TMEM267: variants seen among roughly 807,000 people sequenced by gnomAD.
TMEM267 encodes the protein transmembrane protein C5orf28.
Under a neutral mutation model 19.3 loss-of-function variants are expected in TMEM267, and 20 were observed. The observed-to-expected ratio is 1.04, with a 90% CI of 0.73 to 1.51. The LOEUF (loss-of-function observed/expected upper bound fraction) is 1.51, where lower values mean the gene tolerates loss of function less well. Among genes scored for constraint, TMEM267 ranks in the 40% most tolerant of loss-of-function variants. TMEM267 has a pLI of 0.00. For synonymous variants in TMEM267, 88 were observed against 90.3 expected (o/e 0.97, Z 0.15); for missense variants, 242 against 261.9 (o/e 0.92, Z 0.52).
chr5:43,477,436 A>T (rs537249854), intron 1 of TMEM267, among the ~76,000 whole-genome samples: 1 of 152,242 alleles, frequency 6.6e-6, no homozygotes, highest in Non-Finnish European at 1.5e-5. Flanking sequence ...AAAACAAAAT[A>T]CAAAAAATTT....
chr5:43,463,123 CA>C (rs1743380657), intron 1 of TMEM267, among the ~76,000 whole-genome samples: 1 of 152,170 alleles, frequency 6.6e-6, no homozygotes, highest in African/African-American at 2.4e-5. Context: ...ACTGATTCCA[CA>C]GAAATACAAA....
intron 1 of TMEM267, among the ~76,000 whole-genome samples, chr5:43,472,918 T>C (rs1744172317): frequency 6.6e-6 from 1 of 151,778 alleles, no homozygotes; most frequent in Non-Finnish European, 1.5e-5. Context: ...AGTGGGCGGA[T>C]CACAAGGTCA....
chr5:43,463,453 T>A (rs1743405806), intron 1 of TMEM267, among the ~76,000 whole-genome samples: 1 of 152,152 alleles, frequency 6.6e-6, no homozygotes. Context: ...GCCAGCATCA[T>A]CCTGATACCA....
intron 1 of TMEM267, among the ~76,000 whole-genome samples, 164 bp from the exon 2 acceptor site, chr5:43,454,207 G>C (rs1428072563): frequency 1.7e-5 from 2 of 118,060 alleles, no homozygotes; most frequent in Non-Finnish European, 3.4e-5. Context: ...AAGGAGAATA[G>C]ATTTTTTTTT....
chr5:43,446,297 G>A lies in TMEM267; in HGVS notation c.573C>T (p.Ile191=), dbSNP rs555109567. 1.2e-6 allele frequency: 2 copies of A among 1,613,780 alleles called. No homozygotes were observed. Among genetic ancestry groups the A allele is most frequent in the South Asian group, 2.2e-5 (2 of 91,074 alleles). Residue 191 remains isoleucine, a synonymous_variant, in exon 3 of 3, where the codon ATC becomes ATT. Coordinates refer to ENST00000397080, the MANE Select transcript of TMEM267 (RefSeq NM_022483.5). ...YVIITSSLPH[I]CSFVMYLTGT... ...CTGTTAAATACATAACGAATGAACA[G>A]ATGTGAGGTAAAGATGATGTGATTA...
intron 1 of TMEM267, among the ~76,000 whole-genome samples, chr5:43,475,660 A>G (rs1744371868): frequency 6.6e-6 from 1 of 152,192 alleles, no homozygotes; most frequent in African/African-American, 2.4e-5. Context: ...AGGAAAAGAT[A>G]ATTACATTAG....
chr5:43,451,074 C>T (rs1395612796), intron 2 of TMEM267, among the ~76,000 whole-genome samples: 1 of 151,972 alleles, frequency 6.6e-6, no homozygotes, highest in Non-Finnish European at 1.5e-5. Context: ...TTTGATCTCA[C>T]CTCAGCCTCC....
At chr5:43,461,558 TG>T (rs1170988781) in intron 1 of TMEM267, among the ~76,000 whole-genome samples, 2 of 152,138 alleles carry the variant, frequency 1.3e-5, no homozygotes, top group Non-Finnish European at 2.9e-5. Flanking sequence ...AGGAGCCCAC[TG>T]CCCTAAAGGG....
chr5:43,482,164 C>T (rs921263808), intron 1 of TMEM267, among the ~76,000 whole-genome samples: 1 of 152,114 alleles, frequency 6.6e-6, no homozygotes, highest in South Asian at 2.1e-4. Flanking sequence ...CTGTTTTAAG[C>T]CTCTAAGTTT....
At chr5:43,461,109 G>A (rs534542550) in intron 1 of TMEM267, among the ~76,000 whole-genome samples, 1 of 152,250 alleles carries the variant, frequency 6.6e-6, no homozygotes, top group African/African-American at 2.4e-5. Context: ...AGCAAGACAG[G>A]ACACTGGTCA....
At position 43,453,877 on chromosome 5, in the gene TMEM267, G is replaced by A. The variant is rs753352277; in HGVS notation, c.93C>T (p.Leu31=). The A allele has an allele frequency of 2.4e-5, 38 of 1,613,874 alleles. No individual in the cohort carries two copies. Among genetic ancestry groups the A allele is most frequent in the Admixed American group, 3.3e-5 (2 of 59,938 alleles). The change falls in exon 2 of 3, where the codon CTC becomes CTT. Residue 31 remains leucine (L), a synonymous_variant. Transcript: ENST00000397080. The stretch of plus-strand genomic sequence containing the variant: ...AAAACTGAAGAAGTCTGTCAGCTAC[G>A]AGGCAAAATGCCCCCAGACCAAGGC... ...ISSLGLGAFC[L]VADRLLQFST... is the part of the protein sequence containing the mutation.
At chr5:43,473,442 A>G (rs1335559921) in intron 1 of TMEM267, among the ~76,000 whole-genome samples, 1 of 152,166 alleles carries the variant, frequency 6.6e-6, no homozygotes, top group Admixed American at 6.5e-5. Context: ...AAAAATCACA[A>G]GCATTCCTAT....
intron 1 of TMEM267, among the ~76,000 whole-genome samples, chr5:43,474,542 C>CTGA (rs1744291898): frequency 6.6e-6 from 1 of 152,112 alleles, no homozygotes; most frequent in African/African-American, 2.4e-5. Context: ...GGTGGATCAC[C>CTGA]TGAGGTCGGG....
At chr5:43,460,858 CCT>C (rs1743216325) in intron 1 of TMEM267, among the ~76,000 whole-genome samples, 1 of 152,324 alleles carries the variant, frequency 6.6e-6, no homozygotes, top group East Asian at 1.9e-4. Flanking sequence ...GCTACAGTGC[CCT>C]CTGTCTCCAG....
At chr5:43,447,094 T>C (rs1742287431) in intron 2 of TMEM267, among the ~76,000 whole-genome samples, 1 of 151,664 alleles carries the variant, frequency 6.6e-6, no homozygotes, top group South Asian at 2.1e-4. Context: ...CTTCAGTAAA[T>C]TTCTTTTTTT....
intron 1 of TMEM267, among the ~76,000 whole-genome samples, chr5:43,463,209 G>A (rs931193184): frequency 3.9e-5 from 6 of 152,106 alleles, no homozygotes; most frequent in Admixed American, 1.3e-4. Flanking sequence ...TAAATTCCTC[G>A]ACACATACAC....
chr5:43,477,962 T>C lies in TMEM267; in HGVS notation c.-75+5860A>G, dbSNP rs186480310. Among the ~76,000 whole-genome samples the C allele has an allele frequency of 5.9e-5, 9 of 152,346 alleles. 1 individual carries two copies. In the South Asian group the frequency reaches 1.7e-3, roughly 28 times the overall value. On this transcript the variant is annotated intron_variant, in intron 1 of 2. Transcript: ENST00000397080. ...TCTACAGTGGGTTTGTGGGCGTTAA[T>C]GTATTTTCAACTTATGTAATTTTTG...
intron 1 of TMEM267, among the ~76,000 whole-genome samples, chr5:43,474,838 C>T (rs74920439): frequency 1.5e-4 from 23 of 151,656 alleles, no homozygotes; most frequent in African/African-American, 2.4e-4. Context: ...CCACATCTCA[C>T]GCCAGTTAGA....
rs536346639 is a variant in TMEM267 at position 43,452,027 on chromosome 5, G to A, written c.312+1631C>T. ...CAAGAGGTTGATGCTGCAGTGAGCC[G>A]TGATCACACCACTGCACTCCAGCCT... is the stretch of plus-strand genomic sequence containing the variant. On this transcript the variant is annotated intron_variant, in intron 2 of 2. Transcript: ENST00000397080. Among the ~76,000 whole-genome samples, 14 of 141,678 alleles carry A rather than the reference G, an allele frequency of 9.9e-5. No homozygotes were observed. The South Asian group carries it at 2.0e-3, about 20-fold the overall frequency. 92.9% of individuals were successfully genotyped at this position (141,678 alleles called of 152,430 possible).
Sources: gnomAD v4.1 joint callset for allele counts (sites outside exome capture counted in the v4.1 genomes callset) on GRCh38, gnomAD v4.1.1 for gene constraint, MANE v1.5 for transcripts, NCBI Gene and HGNC (gene_info 2026-07-23, HGNC 2026-07-21) for gene names.